The following KCTD16 variants were observed in gnomAD, a reference collection of about 807,000 sequenced individuals.
KCTD16 encodes potassium channel tetramerization domain containing 16, also known as BTB/POZ domain-containing protein KCTD16.
A neutral mutation model predicts 33.2 loss-of-function variants in KCTD16; 13 were observed. The observed-to-expected ratio is 0.39, with a 90% CI of 0.25 to 0.62. The LOEUF is 0.62. Ranked by LOEUF, KCTD16 falls within the 20% of genes least tolerant of loss-of-function variation. KCTD16 has a pLI of 0.50. For synonymous variants in KCTD16, 197 were observed against 195.3 expected, an observed-to-expected ratio of 1.01 and a Z score of -0.07; for missense variants, 441 against 525.1, an observed-to-expected ratio of 0.84 and a Z score of 1.57.
chr5:144,403,770 T>C (rs1752755513), intron 3 of KCTD16, among the ~76,000 whole-genome samples: 1 of 152,166 alleles, frequency 6.6e-6, no homozygotes, highest in Non-Finnish European at 1.5e-5. Context: ...CTGCCACACA[T>C]AGGCAGTGCT....
In KCTD16 at chr5:144,241,473, A is replaced by C. The variant is rs562834065; in HGVS notation, c.832+33927A>C. ...TGCAATCAGATCAATTAAAGGCACA[A>C]TATTTTATATTATTGCCTTAGTCAC... On this transcript the variant is annotated intron_variant, in intron 3 of 3. Coordinates refer to ENST00000512467, the MANE Select transcript of KCTD16 (RefSeq NM_020768.4). 1.9e-4 allele frequency among the ~76,000 whole-genome samples: 29 copies of C among 152,316 alleles called. No homozygotes were observed. In the East Asian group the frequency reaches 4.6e-3, roughly 24 times the overall value.
intron 2 of KCTD16, among the ~76,000 whole-genome samples, chr5:144,181,176 GC>G (rs1752616489): frequency 6.7e-6 from 1 of 149,542 alleles, no homozygotes; most frequent in Non-Finnish European, 1.5e-5. Context: ...CTCATGATCC[GC>G]CCGCCTCTGC....
intron 3 of KCTD16, among the ~76,000 whole-genome samples, chr5:144,372,204 TC>T (rs1021378881): frequency 4.1e-5 from 6 of 145,634 alleles, no homozygotes; most frequent in African/African-American, 1.7e-4. Context: ...CCTCTGTGCT[TC>T]TTTTTTTTTT....
chr5:144,355,659 T>C (rs1412162963), intron 3 of KCTD16, among the ~76,000 whole-genome samples: 2 of 152,174 alleles, frequency 1.3e-5, no homozygotes, highest in Admixed American at 1.3e-4. Flanking sequence ...TTTTCTTTTC[T>C]TTTTTTAGCC....
At chr5:144,349,966 A>G (rs1212787826) in intron 3 of KCTD16, among the ~76,000 whole-genome samples, 1 of 152,170 alleles carries the variant, frequency 6.6e-6, no homozygotes, top group Non-Finnish European at 1.5e-5. Context: ...TCTTGATGAG[A>G]CTCAACACAC....
intron 3 of KCTD16, among the ~76,000 whole-genome samples, chr5:144,304,019 C>G (rs1013119925): frequency 2.6e-5 from 4 of 152,076 alleles, no homozygotes; most frequent in African/African-American, 9.7e-5. Flanking sequence ...TTACCACTCC[C>G]GTTTATATAA....
chr5:144,440,229 G>T (rs1484092242), intron 3 of KCTD16, among the ~76,000 whole-genome samples: 1 of 152,110 alleles, frequency 6.6e-6, no homozygotes, highest in Non-Finnish European at 1.5e-5. Context: ...TGTATCTGTT[G>T]AAAACACAGG....
intron 3 of KCTD16, among the ~76,000 whole-genome samples, chr5:144,233,139 A>G (rs1754153831): frequency 6.6e-6 from 1 of 151,494 alleles, no homozygotes; most frequent in Non-Finnish European, 1.5e-5. Flanking sequence ...ATTGCTTTAC[A>G]GTTACCTGAC....
At chr5:144,220,449 T>C (rs1375161704) in intron 3 of KCTD16, among the ~76,000 whole-genome samples, 2 of 152,206 alleles carry the variant, frequency 1.3e-5, no homozygotes, top group African/African-American at 4.8e-5. Flanking sequence ...TAGTGCCTTA[T>C]ACATAGTAGG....
intron 3 of KCTD16, among the ~76,000 whole-genome samples, chr5:144,460,380 G>A (rs935040120): frequency 4.6e-5 from 7 of 152,074 alleles, no homozygotes; most frequent in Admixed American, 4.6e-4. Context: ...AATCTTCTCA[G>A]ACCAACTCAC....
chr5:144,256,669 G>T (rs1189424712), intron 3 of KCTD16, among the ~76,000 whole-genome samples: 1 of 150,898 alleles, frequency 6.6e-6, no homozygotes, highest in Non-Finnish European at 1.5e-5. Flanking sequence ...GGGCTAGCCC[G>T]AGAGGGGTGC....
chr5:144,329,769 G>T, intron 3 of KCTD16, among the ~76,000 whole-genome samples: 1 of 152,140 alleles, frequency 6.6e-6, no homozygotes, highest in East Asian at 1.9e-4. Flanking sequence ...GTTCCCACAA[G>T]TTTGCAGAAT....
At chr5:144,239,782 C>T (rs1472020659) in intron 3 of KCTD16, among the ~76,000 whole-genome samples, 2 of 151,964 alleles carry the variant, frequency 1.3e-5, no homozygotes, top group Non-Finnish European at 2.9e-5. Context: ...AACGCATAAA[C>T]TATATGTAGA....
intron 3 of KCTD16, among the ~76,000 whole-genome samples, chr5:144,459,824 CTTTTTTTT>C (rs70995051): frequency 1.5e-5 from 1 of 66,754 alleles, no homozygotes; most frequent in Non-Finnish European, 2.6e-5. Flanking sequence ...CCAATATCAT[CTTTTTTTT>C]TTTTTTTTTT....
At chr5:144,431,692 G>A (rs964479116) in intron 3 of KCTD16, among the ~76,000 whole-genome samples, 4 of 152,142 alleles carry the variant, frequency 2.6e-5, no homozygotes, top group African/African-American at 9.7e-5. Context: ...CAGCAGCATA[G>A]TTTAAGAAAC....
intron 3 of KCTD16, among the ~76,000 whole-genome samples, chr5:144,391,098 C>A (rs1580925747): frequency 6.6e-6 from 1 of 152,268 alleles, no homozygotes; most frequent in South Asian, 2.1e-4. Flanking sequence ...CCACTATAAT[C>A]AGGTGCTTCC....
chr5:144,172,499 A>G (rs1752412861), intron 1 of KCTD16, among the ~76,000 whole-genome samples: 1 of 152,184 alleles, frequency 6.6e-6, no homozygotes, highest in Non-Finnish European at 1.5e-5. Flanking sequence ...GCCACTGAAC[A>G]CTAGATTTTT....
intron 3 of KCTD16, among the ~76,000 whole-genome samples, chr5:144,368,386 C>T (rs1411002424): frequency 2.6e-5 from 4 of 151,984 alleles, no homozygotes; most frequent in African/African-American, 9.7e-5. Context: ...GTGAGAAGGA[C>T]TCAGCGCAAC....
chr5:144,325,523 C>A (rs928109225), intron 3 of KCTD16, among the ~76,000 whole-genome samples: 1 of 152,148 alleles, frequency 6.6e-6, no homozygotes, highest in African/African-American at 2.4e-5. Flanking sequence ...TACACTCAAC[C>A]TACTGTCATG....
Sources: gnomAD v4.1 joint callset for allele counts (sites outside exome capture counted in the v4.1 genomes callset) on GRCh38, gnomAD v4.1.1 for gene constraint, MANE v1.5 for transcripts, NCBI Gene and HGNC (gene_info 2026-07-23, HGNC 2026-07-21) for gene names.